Variants in FN1 observed in about 807,000 individuals in gnomAD.
The protein encoded by FN1 is fibronectin.
FN1 carries 106 observed loss-of-function variants against 297.3 expected under a neutral mutation model. That is an observed-to-expected ratio of 0.36 (90% CI 0.30 to 0.42). The LOEUF is 0.42. Ranked by LOEUF, FN1 falls within the 10% of genes least tolerant of loss-of-function variation. The pLI is 1.00. For synonymous variants in FN1, 1,149 were observed against 1,152.6 expected (o/e 1.00, Z 0.06); for missense variants, 2,690 against 3,124.9 (o/e 0.86, Z 3.32).
At chr2:215,416,500 C>T (rs926659965) in intron 12 of FN1, among the ~76,000 whole-genome samples, 1 of 152,090 alleles carries the variant, frequency 6.6e-6, no homozygotes, top group Non-Finnish European at 1.5e-5. Flanking sequence ...GACTATTTAA[C>T]GTACTTCCAT....
At chr2:215,417,670 A>G (rs578204115) in intron 12 of FN1, among the ~76,000 whole-genome samples, 80 of 152,344 alleles carry the variant, frequency 5.3e-4, no homozygotes, top group African/African-American at 1.9e-3. Context: ...ACCAAAGAGC[A>G]TATCTGAGGT....
At chr2:215,422,718 G>C (rs2064627799) in intron 9 of FN1, among the ~76,000 whole-genome samples, 1 of 152,196 alleles carries the variant, frequency 6.6e-6, no homozygotes. Context: ...AGTCACACTT[G>C]ACAGTGCCTA....
At chr2:215,377,965 T>C (rs1392730798) in intron 35 of FN1, among the ~76,000 whole-genome samples, 1 of 152,016 alleles carries the variant, frequency 6.6e-6, no homozygotes, top group Non-Finnish European at 1.5e-5. Flanking sequence ...TAAAAAATTA[T>C]TTATTTTATT....
At chr2:215,433,560 A>G in intron 2 of FN1, 99 bp from the exon 3 acceptor site, 2 of 1,151,532 alleles carry the variant, frequency 1.7e-6, no homozygotes, top group Non-Finnish European at 1.3e-6. Context: ...CTATTCCACA[A>G]GTAACATGGT....
At chr2:215,369,143 T>G (rs555086581) in intron 41 of FN1, among the ~76,000 whole-genome samples, 2 of 150,504 alleles carry the variant, frequency 1.3e-5, no homozygotes, top group Non-Finnish European at 2.9e-5. Flanking sequence ...AAATTGTTAC[T>G]AGGGGTTTCT....
chr2:215,386,488 C>T (rs993356561), intron 28 of FN1, among the ~76,000 whole-genome samples: 8 of 151,892 alleles, frequency 5.3e-5, no homozygotes, highest in South Asian at 2.1e-4. Context: ...CCACCACGCC[C>T]GGGCTTCTTT....
intron 28 of FN1, among the ~76,000 whole-genome samples, chr2:215,385,720 A>G (rs2058867059): frequency 6.6e-6 from 1 of 151,440 alleles, no homozygotes; most frequent in African/African-American, 2.4e-5. Context: ...GAACAATGAC[A>G]CTATTACCCT....
intron 21 of FN1, among the ~76,000 whole-genome samples, chr2:215,398,280 G>C (rs2060551230): frequency 6.6e-6 from 1 of 152,300 alleles, no homozygotes; most frequent in East Asian, 1.9e-4. Flanking sequence ...AGCCCCTGTA[G>C]CAACTGTATT....
rs753456938 is a variant in FN1 at position 215,434,712 on chromosome 2, G to A, written c.261C>T (p.Cys87=). 8.1e-6 allele frequency: 13 copies of A among 1,614,074 alleles called. No homozygotes were observed. The Admixed American group carries it at 8.3e-5, about 10-fold the overall frequency. ...TCYGGSRGFN[C]ESKPEAEETC... is the part of the protein sequence containing the mutation. ...GTCACTTACCTTCAGGTTTACTCTC[G>A]CAGTTAAAACCTCGGCTTCCTCCAT... The change falls in exon 2 of 46, where the codon TGC becomes TGT. Residue 87 remains cysteine, a synonymous_variant. Coordinates refer to ENST00000354785, the MANE Select transcript of FN1 (RefSeq NM_212482.4).
rs751112392 is a variant in FN1, at chr2:215,404,528, C to T, written c.3114G>A (p.Gln1038=). The T allele has an allele frequency of 6.2e-7, 1 of 1,614,096 alleles. No homozygotes were observed. The highest frequency in any genetic ancestry group is 2.2e-5 in the East Asian group (1 of 44,878). The change falls in exon 20 of 46, where the codon CAG becomes CAA. Residue 1038 remains glutamine (Q), a synonymous_variant. Transcript: ENST00000354785. ...RLTVGLTRRG[Q]PRQYNVGPSV... ...AGGGACCCACATTGTACTGCCTGGG[C>T]TGTCCTCTTCGGGTAAGGCCCACGG...
At chr2:215,405,943 T>C (rs1382324061) in intron 19 of FN1, among the ~76,000 whole-genome samples, 1 of 152,150 alleles carries the variant, frequency 6.6e-6, no homozygotes, top group Non-Finnish European at 1.5e-5. Context: ...TCTAGATATA[T>C]TTAGTTACAC....
intron 28 of FN1, 31 bp from the exon 29 acceptor site, chr2:215,385,007 G>A (rs180708444): frequency 2.6e-5 from 36 of 1,401,928 alleles, no homozygotes; most frequent in East Asian, 9.1e-5. Context: ...TTTCACATCC[G>A]TAATTTTCAA....
intron 20 of FN1, 91 bp downstream of exon 20, chr2:215,404,298 T>G: frequency 7.9e-7 from 1 of 1,258,944 alleles, no homozygotes; most frequent in Non-Finnish European, 1.1e-6. Context: ...AATTTTTTAA[T>G]GTTTTTTTTG....
At chr2:215,377,672 TTATAG>T (rs1454454107) in intron 35 of FN1, among the ~76,000 whole-genome samples, 1 of 152,208 alleles carries the variant, frequency 6.6e-6, no homozygotes, top group African/African-American at 2.4e-5. Context: ...CGGTATTTCT[TTATAG>T]TAATGCAAGA....
Position 215,424,165 on chromosome 2 carries a change from A to G in FN1, c.1197T>C (p.Ser399=). 1 of 1,614,174 alleles carries G rather than the reference A, an allele frequency of 6.2e-7. No individual in the cohort carries two copies. Among genetic ancestry groups the G allele is most frequent in the Non-Finnish European group, 8.5e-7 (1 of 1,180,014 alleles). Residue 399 remains serine (S), a synonymous_variant, in exon 8 of 46, where the codon TCT becomes TCC. Coordinates refer to ENST00000354785, the MANE Select transcript of FN1 (RefSeq NM_212482.4). ...ACTCACCAGTGTGGTCTGTGCAGAA[A>G]GAGTATTTCTGGTCCTGCTCATAAT... is the stretch of plus-strand genomic sequence containing the variant. ...TSNYEQDQKY[S]FCTDHTVLVQ...
intron 6 of FN1, among the ~76,000 whole-genome samples, chr2:215,426,890 T>C (rs1246960378): frequency 6.6e-6 from 1 of 152,138 alleles, no homozygotes; most frequent in Non-Finnish European, 1.5e-5. Context: ...TATTTTATTT[T>C]TTTGAGATGG....
rs571159227 is a variant in FN1, at chr2:215,386,076, C to CTT, written c.4612+611_4612+612dup. 2.3e-4 allele frequency among the ~76,000 whole-genome samples: 25 copies of CTT among 109,420 alleles called. 1 individual carries two copies. Among genetic ancestry groups the CTT allele is most frequent in the Admixed American group, 3.4e-4 (3 of 8,724 alleles). 71.8% of individuals were successfully genotyped at this position (109,420 alleles called of 152,430 possible). ...CAAGCGTGAGCCATTGCGCCTGGCC[C>CTT]TTTTTTTTTTTTTTTTTTTGAGACA... On this transcript the variant is annotated intron_variant, in intron 28 of 45. Coordinates refer to ENST00000354785, the MANE Select transcript of FN1 (RefSeq NM_212482.4).
chr2:215,379,992 G>A (rs1045530165), intron 33 of FN1: 27 of 152,450 alleles, frequency 1.8e-4, no homozygotes, highest in African/African-American at 6.5e-4. Context: ...CACTGCACCC[G>A]GCCTCCTTTT....
chr2:215,387,030 G>T (rs2059117968), intron 27 of FN1, 72 bp from the exon 28 acceptor site: 2 of 1,397,214 alleles, frequency 1.4e-6, no homozygotes, highest in Admixed American at 2.2e-5. Flanking sequence ...AGTGAGGAAG[G>T]TGTAGGGGAA....
Sources: allele counts gnomAD v4.1 joint callset (sites outside exome capture counted in the v4.1 genomes callset), GRCh38; gene constraint gnomAD v4.1.1; transcripts MANE v1.5; gene names NCBI Gene and HGNC (gene_info 2026-07-23, HGNC 2026-07-21).